Variants in AGAP1 observed in about 807,000 individuals in gnomAD.
AGAP1 encodes arf-GAP with GTPase, ANK repeat and PH domain-containing protein 1.
Under a neutral mutation model 105.3 loss-of-function variants are expected in AGAP1, and 29 were observed. That is an observed-to-expected ratio of 0.28 (90% CI 0.21 to 0.38). The LOEUF (loss-of-function observed/expected upper bound fraction) is 0.38, where lower values mean the gene tolerates loss of function less well. Ranked by LOEUF, AGAP1 falls within the 10% of genes least tolerant of loss-of-function variation. The pLI is 1.00. For missense variants in AGAP1, 998 were observed against 1,165.1 expected (o/e 0.86, Z 2.09); for synonymous variants, 509 against 485.9 (o/e 1.05, Z -0.63).
intron 1 of AGAP1, among the ~76,000 whole-genome samples, chr2:235,672,311 T>C (rs1948479857): frequency 6.6e-6 from 1 of 152,248 alleles, no homozygotes; most frequent in East Asian, 1.9e-4. Flanking sequence ...CATGTTCTAA[T>C]ATGCTCCTAA....
intron 9 of AGAP1, among the ~76,000 whole-genome samples, chr2:235,817,196 C>T (rs1958507022): frequency 6.6e-6 from 1 of 152,060 alleles, no homozygotes; most frequent in Admixed American, 6.5e-5. Context: ...AGACCAGACA[C>T]ATTTTCCCAG....
intron 16 of AGAP1, among the ~76,000 whole-genome samples, chr2:236,091,699 G>C (rs1465699607): frequency 6.6e-6 from 1 of 152,246 alleles, no homozygotes; most frequent in Non-Finnish European, 1.5e-5. Context: ...TTGAGCCTGG[G>C]AGGCAGAGGT....
At chr2:235,644,035 C>T (rs1185464535) in intron 1 of AGAP1, among the ~76,000 whole-genome samples, 1 of 152,114 alleles carries the variant, frequency 6.6e-6, no homozygotes, top group Non-Finnish European at 1.5e-5. Context: ...AAGATGGCTC[C>T]CCTGGCCACA....
At chr2:235,637,836 C>T (rs1048254373) in intron 1 of AGAP1, among the ~76,000 whole-genome samples, 1 of 152,134 alleles carries the variant, frequency 6.6e-6, no homozygotes, top group Non-Finnish European at 1.5e-5. Context: ...TGGTGGCATC[C>T]TTCAGCCCGA....
At position 235,953,812 on chromosome 2, in the gene AGAP1, C is replaced by T. The variant is rs911909959; in HGVS notation, c.1484-14650C>T. 5.3e-5 allele frequency among the ~76,000 whole-genome samples: 8 copies of T among 152,056 alleles called. No homozygotes were observed. The highest frequency in any genetic ancestry group is 1.2e-4 in the Non-Finnish European group (8 of 68,008). ...GTGGGTCATACCTGTGGTCCACGCT[C>T]CTTGGGAGGCTGAGGCAGGAGGATC... On this transcript the variant is annotated intron_variant, in intron 12 of 17. Coordinates refer to ENST00000304032, the MANE Select transcript of AGAP1 (RefSeq NM_001037131.3). This position sits in a 1 kb window ranked among gnomAD's most constrained non-coding sequence, Gnocchi z 5.2.
rs1946974413 is a variant in AGAP1, at chr2:235,635,688, ATGCTG to A, written c.164-73486_164-73482del. 6.6e-6 allele frequency among the ~76,000 whole-genome samples: 1 copy of A among 152,046 alleles called. No individual in the cohort carries two copies. The highest frequency in any genetic ancestry group is 6.6e-5 in the Admixed American group (1 of 15,228). ...CCAAAGCTGCCTCGCTCCTGCACTGATGCTGTGCTATGAGGAGCCACGTTGCCCGG... is the reference window on the plus strand; with the variant it reads ...CCAAAGCTGCCTCGCTCCTGCACTGATGCTATGAGGAGCCACGTTGCCCGG... On this transcript the variant is annotated intron_variant, in intron 1 of 17. Coordinates refer to ENST00000304032, the MANE Select transcript of AGAP1 (RefSeq NM_001037131.3). This position sits in a 1 kb window ranked among gnomAD's most constrained non-coding sequence, Gnocchi z 5.3.
intron 16 of AGAP1, among the ~76,000 whole-genome samples, chr2:236,052,054 C>T (rs1403550768): frequency 1.3e-5 from 2 of 152,150 alleles, no homozygotes; most frequent in Non-Finnish European, 2.9e-5. Context: ...CTCCGCCCCT[C>T]CTGGTCTCTC....
intron 1 of AGAP1, among the ~76,000 whole-genome samples, chr2:235,654,463 A>G (rs1470441906): frequency 6.6e-6 from 1 of 152,242 alleles, no homozygotes; most frequent in Non-Finnish European, 1.5e-5. Context: ...AAGGGGCACA[A>G]TATTCTACGC....
rs2054284813 is a variant in AGAP1, at chr2:235,963,878, G to A, written c.1484-4584G>A. Among the ~76,000 whole-genome samples the A allele has an allele frequency of 6.6e-6, 1 of 152,200 alleles. No homozygotes were observed. Among genetic ancestry groups the A allele is most frequent in the African/African-American group, 2.4e-5 (1 of 41,448 alleles). ...AGCGGTAGACCTACCACGCCCCTGT[G>A]GAAGCCTGTCGTGTGGACGGCATAG... On this transcript the variant is annotated intron_variant, in intron 12 of 17. Transcript: ENST00000304032. The surrounding 1 kb of genome is among the most constrained non-coding windows in gnomAD (Gnocchi z 5.1).
In AGAP1 at chr2:235,494,940, A is replaced by C. The variant is rs1347006519; in HGVS notation, c.163+91A>C. 10 of 1,286,616 alleles carry C rather than the reference A, an allele frequency of 7.8e-6. No homozygotes were observed. The Admixed American group carries it at 1.9e-4, about 25-fold the overall frequency. The allele number at this position is 1,286,616 out of a possible 1,614,324, so 79.7% of individuals were successfully genotyped here. ...GCTGTGTGCGTGCGGGTGTCCACAC[A>C]CGCCGGCCGGGGCACGCGGCTGCTC... is the stretch of plus-strand genomic sequence containing the variant. On this transcript the variant is annotated intron_variant, in intron 1 of 17. Coordinates refer to ENST00000304032, the MANE Select transcript of AGAP1 (RefSeq NM_001037131.3).
chr2:236,029,964 C>T (rs1434750061), intron 13 of AGAP1, among the ~76,000 whole-genome samples: 1 of 152,122 alleles, frequency 6.6e-6, no homozygotes, highest in Non-Finnish European at 1.5e-5. Flanking sequence ...GTCTTGAACT[C>T]CTGGGCTCAA....
chr2:235,646,810 G>A (rs552380162), intron 1 of AGAP1, among the ~76,000 whole-genome samples: 4 of 152,288 alleles, frequency 2.6e-5, no homozygotes, highest in African/African-American at 7.2e-5. Flanking sequence ...TGGAGGGGCC[G>A]GGCTCCAAGC....
In AGAP1 at chr2:235,889,997, A is replaced by G. The variant is rs1385624458; in HGVS notation, c.1155+6548A>G. Among the ~76,000 whole-genome samples, 2 of 152,078 alleles carry G rather than the reference A, an allele frequency of 1.3e-5. No individual in the cohort carries two copies. Among genetic ancestry groups the G allele is most frequent in the Non-Finnish European group, 1.5e-5 (1 of 68,012 alleles). On this transcript the variant is annotated intron_variant, in intron 10 of 17. Transcript: ENST00000304032. The surrounding 1 kb of genome is among the most constrained non-coding windows in gnomAD (Gnocchi z 4.6). ...AGTCTTGACCCCAGCCATCACCCAC[A>G]GCCACATCTCCCAGCCTCCTTCAGC... is the stretch of plus-strand genomic sequence containing the variant.
intron 1 of AGAP1, chr2:235,670,772 G>A: frequency 8.6e-7 from 1 of 1,169,568 alleles, no homozygotes; most frequent in Non-Finnish European, 1.2e-6. Context: ...CGCGCTCTCG[G>A]ACCTGGAGCG....
chr2:235,887,135 A>T lies in AGAP1; in HGVS notation c.1155+3686A>T, dbSNP rs550613425. Among the ~76,000 whole-genome samples the T allele has an allele frequency of 3.3e-5, 5 of 152,124 alleles. No homozygotes were observed. Among genetic ancestry groups the T allele is most frequent in the Admixed American group, 2.0e-4 (3 of 15,270 alleles). On this transcript the variant is annotated intron_variant, in intron 10 of 17. Coordinates refer to ENST00000304032, the MANE Select transcript of AGAP1 (RefSeq NM_001037131.3). This position sits in a 1 kb window ranked among gnomAD's most constrained non-coding sequence, Gnocchi z 4.1. ...TTTCAAAAGATCGTAGAACCAGATG[A>T]TCTCAGTTAAACACGGACCATGCTG... is the stretch of plus-strand genomic sequence containing the variant.
intron 16 of AGAP1, among the ~76,000 whole-genome samples, chr2:236,070,697 G>A (rs2058473152): frequency 6.6e-6 from 1 of 152,134 alleles, no homozygotes. Context: ...ACTTCATACC[G>A]TGTAATTACA....
In AGAP1 at chr2:235,769,272, G is replaced by A. The variant is rs949768486; in HGVS notation, c.673+18784G>A. On this transcript the variant is annotated intron_variant, in intron 6 of 17. Coordinates refer to ENST00000304032, the MANE Select transcript of AGAP1 (RefSeq NM_001037131.3). This position sits in a 1 kb window ranked among gnomAD's most constrained non-coding sequence, Gnocchi z 4.4. ...ACTCCTGGGATTGGTGGCAGGTCATGCAGTCATTGCTCACCAGAGCCAGGA... is the reference window on the plus strand; with the variant it reads ...ACTCCTGGGATTGGTGGCAGGTCATACAGTCATTGCTCACCAGAGCCAGGA... 6.6e-6 allele frequency among the ~76,000 whole-genome samples: 1 copy of A among 152,220 alleles called. No individual in the cohort carries two copies. The highest frequency in any genetic ancestry group is 1.5e-5 in the Non-Finnish European group (1 of 68,038).
In AGAP1 at chr2:235,957,567, C is replaced by T. The variant is rs1397614052; in HGVS notation, c.1484-10895C>T. Among the ~76,000 whole-genome samples the T allele has an allele frequency of 6.6e-6, 1 of 152,162 alleles. No individual in the cohort carries two copies. The highest frequency in any genetic ancestry group is 1.5e-5 in the Non-Finnish European group (1 of 68,038). ...TGGGGAATTCAAGTCAACCTCCTCC[C>T]GCTGAAAGCTCCCGTCAAAAGGACT... On this transcript the variant is annotated intron_variant, in intron 12 of 17. Coordinates refer to ENST00000304032, the MANE Select transcript of AGAP1 (RefSeq NM_001037131.3). This position sits in a 1 kb window ranked among gnomAD's most constrained non-coding sequence, Gnocchi z 4.6.
Position 236,058,322 on chromosome 2 carries a change from G to A in AGAP1, c.2114+9041G>A, listed in dbSNP as rs2058101085. Among the ~76,000 whole-genome samples, 1 of 152,112 alleles carries A rather than the reference G, an allele frequency of 6.6e-6. No homozygotes were observed. Among genetic ancestry groups the A allele is most frequent in the South Asian group, 2.1e-4 (1 of 4,826 alleles). ...ACTGTTGTCTGGCTTAGCATATCCA[G>A]TATATCCCAGCAGATGTTACAGCCA... On this transcript the variant is annotated intron_variant, in intron 16 of 17. Coordinates refer to ENST00000304032, the MANE Select transcript of AGAP1 (RefSeq NM_001037131.3). The surrounding 1 kb of genome is among the most constrained non-coding windows in gnomAD (Gnocchi z 4.6).
Sources: allele counts gnomAD v4.1 joint callset (sites outside exome capture counted in the v4.1 genomes callset), GRCh38; gene constraint gnomAD v4.1.1; non-coding constraint Gnocchi (gnomAD v3.1); transcripts MANE v1.5; gene names NCBI Gene and HGNC (gene_info 2026-07-23, HGNC 2026-07-21).